The following PHACTR1 variants were observed in gnomAD, a reference collection of about 807,000 sequenced individuals.
PHACTR1 encodes the protein RPEL repeat containing 1.
Under a neutral mutation model 69.2 loss-of-function variants are expected in PHACTR1, and 16 were observed. The ratio of observed to expected loss-of-function variants is 0.23; its 90% confidence interval spans 0.16 to 0.35. The LOEUF (loss-of-function observed/expected upper bound fraction) is 0.35. Among genes scored for constraint, PHACTR1 ranks in the 10% least tolerant of loss-of-function variants. The pLI, the probability that PHACTR1 is intolerant of heterozygous loss-of-function variation, is 1.00. For synonymous variants in PHACTR1, 312 were observed against 284.5 expected (o/e 1.10, Z -0.97); for missense variants, 510 against 734.7 (o/e 0.69, Z 3.54).
chr6:13,206,163 C>A, intron 8 of PHACTR1, 27 bp downstream of exon 8: 1 of 1,524,568 alleles, frequency 6.6e-7, no homozygotes, highest in Non-Finnish European at 8.9e-7. Flanking sequence ...GGAGGGAGGA[C>A]GGGAGGAGAG....
chr6:13,251,918 G>C (rs1774472479), intron 10 of PHACTR1, among the ~76,000 whole-genome samples: 1 of 151,710 alleles, frequency 6.6e-6, no homozygotes, highest in African/African-American at 2.4e-5. Context: ...AGCTGGGCAT[G>C]GTGGCACACA....
At chr6:12,837,433 T>TGCATTAACAA (rs74285816) in intron 4 of PHACTR1, among the ~76,000 whole-genome samples, 30,804 of 152,094 alleles carry the variant, frequency 0.2, 3,346 homozygotes, top group African/African-American at 0.28. Flanking sequence ...AAATATTATC[T>TGCATTAACAA]GCCTTTCTCC....
At chr6:12,854,009 C>T (rs539128634) in intron 4 of PHACTR1, among the ~76,000 whole-genome samples, 16 of 152,188 alleles carry the variant, frequency 1.1e-4, no homozygotes, top group Admixed American at 7.9e-4. Context: ...GACATATAGG[C>T]GTTGTCAATA....
intron 4 of PHACTR1, among the ~76,000 whole-genome samples, chr6:12,873,301 G>A (rs886464010): frequency 2.0e-5 from 3 of 152,146 alleles, no homozygotes; most frequent in African/African-American, 4.8e-5. Context: ...ACAGTCATAA[G>A]CCAACTTGCC....
At chr6:12,988,875 A>G (rs1796495266) in intron 4 of PHACTR1, among the ~76,000 whole-genome samples, 1 of 152,230 alleles carries the variant, frequency 6.6e-6, no homozygotes, top group Non-Finnish European at 1.5e-5. Context: ...TCAAACAGAT[A>G]ATAGGTGTGA....
At chr6:12,868,060 C>A (rs1356080107) in intron 4 of PHACTR1, among the ~76,000 whole-genome samples, 1 of 152,040 alleles carries the variant, frequency 6.6e-6, no homozygotes, top group African/African-American at 2.4e-5. Context: ...GAGATGGAGA[C>A]CATCCTGGCC....
chr6:12,904,456 C>A (rs1785515037), intron 4 of PHACTR1, among the ~76,000 whole-genome samples: 2 of 151,770 alleles, frequency 1.3e-5, no homozygotes, highest in South Asian at 4.2e-4. Flanking sequence ...ATTGCTTGAA[C>A]CCGGGAGGCG....
chr6:12,942,221 A>G (rs554000875), intron 4 of PHACTR1, among the ~76,000 whole-genome samples: 1 of 152,336 alleles, frequency 6.6e-6, no homozygotes, highest in East Asian at 1.9e-4. Flanking sequence ...AATCCTCAAA[A>G]TGATCTGAGT....
intron 4 of PHACTR1, among the ~76,000 whole-genome samples, chr6:12,938,708 C>A (rs1367387476): frequency 4.6e-5 from 7 of 152,130 alleles, no homozygotes; most frequent in Non-Finnish European, 1.5e-5. Flanking sequence ...CTTTTTCATC[C>A]CCTCCCCAGA....
At chr6:12,974,966 A>T (rs1794684140) in intron 4 of PHACTR1, among the ~76,000 whole-genome samples, 2 of 152,200 alleles carry the variant, frequency 1.3e-5, no homozygotes, top group African/African-American at 4.8e-5. Flanking sequence ...TTGGATGATC[A>T]CTGCTTCATT....
chr6:12,842,053 A>G (rs9349350), intron 4 of PHACTR1, among the ~76,000 whole-genome samples: 28,174 of 152,082 alleles, frequency 0.19, 2,776 homozygotes, highest in African/African-American at 0.25. Context: ...TTCTAAGACA[A>G]CTGTTTTTCT....
At chr6:13,113,607 T>C (rs899280785) in intron 5 of PHACTR1, among the ~76,000 whole-genome samples, 1 of 152,158 alleles carries the variant, frequency 6.6e-6, no homozygotes, top group African/African-American at 2.4e-5. Flanking sequence ...TCCCTTATCT[T>C]AATAAAGGGT....
chr6:12,940,361 T>G (rs972967084), intron 4 of PHACTR1, among the ~76,000 whole-genome samples: 3 of 152,086 alleles, frequency 2.0e-5, no homozygotes, highest in African/African-American at 7.2e-5. Context: ...TTGTAAGGGG[T>G]TTGTGTTTTA....
At chr6:12,778,765 T>C (rs950169997) in intron 4 of PHACTR1, among the ~76,000 whole-genome samples, 10 of 152,250 alleles carry the variant, frequency 6.6e-5, no homozygotes, top group Non-Finnish European at 1.2e-4. Context: ...GTAGTCTCTA[T>C]ATAATAGCAC....
chr6:13,025,058 C>G (rs1004322085), intron 4 of PHACTR1, among the ~76,000 whole-genome samples: 2 of 152,034 alleles, frequency 1.3e-5, no homozygotes, highest in African/African-American at 4.8e-5. Flanking sequence ...GAGTTCAAGA[C>G]CAGCCTGGGC....
chr6:13,036,094 C>G (rs549391601), intron 4 of PHACTR1, among the ~76,000 whole-genome samples: 6 of 151,708 alleles, frequency 4.0e-5, no homozygotes, highest in Non-Finnish European at 8.8e-5. Context: ...TAGCATATGG[C>G]TAGTCGCTGA....
intron 3 of PHACTR1, among the ~76,000 whole-genome samples, chr6:12,722,603 T>C (rs1182127228): frequency 6.6e-6 from 1 of 152,218 alleles, no homozygotes; most frequent in Non-Finnish European, 1.5e-5. Context: ...AAAAATTCTT[T>C]TGGAATTCCC....
chr6:13,020,595 C>T (rs1449610370), intron 4 of PHACTR1, among the ~76,000 whole-genome samples: 1 of 152,004 alleles, frequency 6.6e-6, no homozygotes, highest in Non-Finnish European at 1.5e-5. Flanking sequence ...CTGGCAGATA[C>T]CTGAAGGAAA....
intron 5 of PHACTR1, among the ~76,000 whole-genome samples, chr6:13,082,868 C>T (rs919808939): frequency 1.3e-5 from 2 of 152,082 alleles, no homozygotes; most frequent in Non-Finnish European, 2.9e-5. Flanking sequence ...GAGTAGGTTG[C>T]AAAAATTTTC....
Sources: gnomAD v4.1 joint callset for allele counts (sites outside exome capture counted in the v4.1 genomes callset) on GRCh38, gnomAD v4.1.1 for gene constraint, MANE v1.5 for transcripts, NCBI Gene and HGNC (gene_info 2026-07-23, HGNC 2026-07-21) for gene names.